The following AMHR2 variants were observed in gnomAD, a reference collection of about 807,000 sequenced individuals.
The protein encoded by AMHR2 is anti-Muellerian hormone type-2 receptor.
AMHR2 carries 36 observed loss-of-function variants against 61.4 expected under a neutral mutation model. The ratio of observed to expected loss-of-function variants is 0.59; its 90% confidence interval spans 0.45 to 0.77. The LOEUF is 0.77. Ranked by LOEUF, AMHR2 falls within the 30% of genes least tolerant of loss-of-function variation. The pLI, the probability that AMHR2 is intolerant of heterozygous loss-of-function variation, is 0.00. For synonymous variants in AMHR2, 258 were observed against 279.4 expected, an observed-to-expected ratio of 0.92 and a Z score of 0.76; for missense variants, 638 against 714.6, an observed-to-expected ratio of 0.89 and a Z score of 1.22.
rs2136977754 is a variant in AMHR2 at position 53,431,296 on chromosome 12, C to G, written c.1545C>G (p.His515Gln). Residue 515 changes from histidine (H) to glutamine (Q), a missense_variant, in exon 11 of 11, where the codon CAC becomes CAG. Transcript: ENST00000257863. The part of the protein sequence containing the change: ...LAALAHPQES[H>Q]PFPESCPRGC... ...CCTTGGCCCATCCTCAAGAGAGCCA[C>G]CCCTTTCCAGAGAGCTGTCCACGTG... 1.2e-6 allele frequency: 2 copies of G among 1,614,238 alleles called. No individual in the cohort carries two copies. The highest frequency in any genetic ancestry group is 1.1e-5 in the South Asian group (1 of 91,086).
chr12:53,431,397 G>A lies in AMHR2; in HGVS notation c.1646G>A (p.Ser549Asn). Residue 549 changes from serine (S) to asparagine (N), a missense_variant, in exon 11 of 11, where the codon AGT becomes AAT. By Grantham distance (46) the Ser-to-Asn change is conservative. Transcript: ENST00000257863. ...ATCCTCCCCTGTAGGCCTCAGCGGA[G>A]TGCCTGCCACTTCAGCGTTCAGCAA... ...PTILPCRPQR[S>N]ACHFSVQQGP... 1 of 1,614,232 alleles carries A rather than the reference G, an allele frequency of 6.2e-7. No individual in the cohort carries two copies. The highest frequency in any genetic ancestry group is 1.1e-5 in the South Asian group (1 of 91,086).
In AMHR2 at chr12:53,431,456, A is replaced by G. The variant is rs1940095634; in HGVS notation, c.1705A>G (p.Thr569Ala). 4 of 1,614,150 alleles carry G rather than the reference A, an allele frequency of 2.5e-6. No individual in the cohort carries two copies. The highest frequency in any genetic ancestry group is 3.4e-6 in the Non-Finnish European group (4 of 1,180,026). The change falls in exon 11 of 11, where the codon ACC becomes GCC. Residue 569 changes from threonine to alanine, a missense_variant. Thr to Ala is a moderately conservative substitution (Grantham distance 58, BLOSUM62 0). Transcript: ENST00000257863. ...TTCCAGGAATCCTCAGCCTGCCTGT[A>G]CCCTTTCTCCTGTGTAAATATGCAG... ...PCSRNPQPAC[T>A]LSPV
intron 10 of AMHR2, chr12:53,430,724 G>C (rs784888): frequency 0.051 from 17,735 of 348,406 alleles, 2,790 homozygotes; most frequent in African/African-American, 0.34. Context: ...ATAAAAGGCA[G>C]TTCTAGGTAT....
chr12:53,424,250 C>T, intron 1 of AMHR2, 38 bp from the exon 2 acceptor site: 1 of 1,611,748 alleles, frequency 6.2e-7, no homozygotes, highest in Non-Finnish European at 8.5e-7. Context: ...CATTCACTCC[C>T]ACCTTGAATC....
chr12:53,424,373 A>G lies in AMHR2; in HGVS notation c.135A>G (p.Thr45=). ...AGACACTGGGAGAGCTGCTAGATACAGGCACAGAGCTCCCCAGAGCTATCC... is the reference window on the plus strand; with the variant it reads ...AGACACTGGGAGAGCTGCTAGATACGGGCACAGAGCTCCCCAGAGCTATCC... ...STKTLGELLD[T]GTELPRAIRC... The change falls in exon 2 of 11, where the codon ACA becomes ACG. Residue 45 remains threonine (T), a synonymous_variant. Coordinates refer to ENST00000257863, the MANE Select transcript of AMHR2 (RefSeq NM_020547.3). 6.2e-7 allele frequency: 1 copy of G among 1,613,614 alleles called. No individual in the cohort carries two copies. The highest frequency in any genetic ancestry group is 8.5e-7 in the Non-Finnish European group (1 of 1,179,982).
chr12:53,430,394 T>A, intron 10 of AMHR2, 112 bp downstream of exon 10: 1 of 1,551,810 alleles, frequency 6.4e-7, no homozygotes, highest in Non-Finnish European at 8.8e-7. Flanking sequence ...TTATCTCCCA[T>A]CACTCCTTGG....
chr12:53,427,390 C>T (rs1308639913), intron 6 of AMHR2, among the ~76,000 whole-genome samples: 2 of 152,014 alleles, frequency 1.3e-5, no homozygotes, highest in Non-Finnish European at 2.9e-5. Flanking sequence ...TTACGCTACC[C>T]GCTTTTTATT....
Position 53,431,455 on chromosome 12 carries a change from T to C in AMHR2, c.1704T>C (p.Cys568=), listed in dbSNP as rs775655629. Residue 568 remains cysteine, a synonymous_variant, in exon 11 of 11, where the codon TGT becomes TGC. Transcript: ENST00000257863. ...GPCSRNPQPA[C]TLSPV ...GTTCCAGGAATCCTCAGCCTGCCTGTACCCTTTCTCCTGTGTAAATATGCA... is the reference window on the plus strand; with the variant it reads ...GTTCCAGGAATCCTCAGCCTGCCTGCACCCTTTCTCCTGTGTAAATATGCA... 1 of 1,614,244 alleles carries C rather than the reference T, an allele frequency of 6.2e-7. No homozygotes were observed. The highest frequency in any genetic ancestry group is 8.5e-7 in the Non-Finnish European group (1 of 1,180,042).
At position 53,425,924 on chromosome 12, in the gene AMHR2, G is replaced by A. The variant is rs1257687566; in HGVS notation, c.852+5G>A. 6.2e-7 allele frequency: 1 copy of A among 1,612,914 alleles called. No individual in the cohort carries two copies. Among genetic ancestry groups the A allele is most frequent in the Non-Finnish European group, 8.5e-7 (1 of 1,179,416 alleles). On this transcript the variant is annotated splice_donor_5th_base_variant and intron_variant, in intron 6 of 10. Transcript: ENST00000257863. ...GTACTGGAACTGCATCCCAAGGTGA[G>A]CACCAAGGAGTGTATATGTGTGTGT...
Position 53,424,737 on chromosome 12 carries a change from T to TGAGTCCCTCCACTGTGACCC in AMHR2, c.262_281dup (p.Arg97SerfsTer119), listed in dbSNP as rs753464279. On this transcript the variant is annotated frameshift_variant, in exon 3 of 11. Coordinates refer to ENST00000257863, the MANE Select transcript of AMHR2 (RefSeq NM_020547.3). LOFTEE classifies it high-confidence loss of function. ...GCCGAGACAGTGATGAGCCAGGCTG[T>TGAGTCCCTCCACTGTGACCC]GAGTCCCTCCACTGTGACCCAAGTC... 2.5e-6 allele frequency: 4 copies of TGAGTCCCTCCACTGTGACCC among 1,613,592 alleles called. No individual in the cohort carries two copies. Among genetic ancestry groups the TGAGTCCCTCCACTGTGACCC allele is most frequent in the Non-Finnish European group, 3.4e-6 (4 of 1,179,638 alleles).
At chr12:53,426,023 T>A in intron 6 of AMHR2, 104 bp downstream of exon 6, 1 of 1,183,400 alleles carries the variant, frequency 8.5e-7, no homozygotes, top group Non-Finnish European at 1.2e-6. Context: ...TGCTTTCGAT[T>A]TTCTCTTTTC....
Position 53,425,905 on chromosome 12 carries a change from G to A in AMHR2, c.838G>A (p.Glu280Lys), listed in dbSNP as rs776713395. Reference protein sequence around the residue: ...RLLSGPLLVLELHPKGSLCHY... With the variant: ...RLLSGPLLVLKLHPKGSLCHY... ...GCTCTCTGGGCCCCTGCTGGTACTG[G>A]AACTGCATCCCAAGGTGAGCACCAA... The change falls in exon 6 of 11, where the codon GAA (glutamate) becomes AAA (lysine). Residue 280 changes from glutamate (E) to lysine (K), a missense_variant. By Grantham distance (56) the Glu-to-Lys change is moderately conservative. Coordinates refer to ENST00000257863, the MANE Select transcript of AMHR2 (RefSeq NM_020547.3). 1.2e-6 allele frequency: 2 copies of A among 1,613,840 alleles called. No individual in the cohort carries two copies. Among genetic ancestry groups the A allele is most frequent in the African/African-American group, 2.7e-5 (2 of 74,890 alleles).
Position 53,428,165 on chromosome 12 carries a change from C to T in AMHR2, c.853-731C>T, listed in dbSNP as rs113679527. ...TTCTTGCTTTATGCCCCTTGGCACTCGGTTAATTTTCCTATCTTGGGGTTT... is the reference window on the plus strand; with the variant it reads ...TTCTTGCTTTATGCCCCTTGGCACTTGGTTAATTTTCCTATCTTGGGGTTT... On this transcript the variant is annotated intron_variant, in intron 6 of 10. Transcript: ENST00000257863. Among the ~76,000 whole-genome samples, 92 of 152,218 alleles carry T rather than the reference C, an allele frequency of 6.0e-4. 1 individual carries two copies. Among genetic ancestry groups the T allele is most frequent in the African/African-American group, 2.0e-3 (84 of 41,580 alleles).
At chr12:53,424,998 G>A (rs1939425522) in intron 3 of AMHR2, 98 bp downstream of exon 3, 2 of 1,553,814 alleles carry the variant, frequency 1.3e-6, no homozygotes, top group Non-Finnish European at 1.8e-6. Flanking sequence ...CCCGCCCCAC[G>A]CTTTCCTCCT....
intron 8 of AMHR2, 68 bp downstream of exon 8, chr12:53,429,693 G>A (rs1939942598): frequency 1.4e-5 from 23 of 1,602,820 alleles, no homozygotes; most frequent in Non-Finnish European, 2.0e-5. Flanking sequence ...TGCAGCCATT[G>A]TGTGTCAACA....
In AMHR2 at chr12:53,425,562, T is replaced by G. The variant is rs750685505; in HGVS notation, c.610T>G (p.Cys204Gly). 6.2e-7 allele frequency: 1 copy of G among 1,613,766 alleles called. No homozygotes were observed. The highest frequency in any genetic ancestry group is 8.5e-7 in the Non-Finnish European group (1 of 1,179,944). Residue 204 changes from cysteine (C) to glycine (G), a missense_variant, in exon 5 of 11, where the codon TGT (cysteine) becomes GGT (glycine). Transcript: ENST00000257863. Reference sequence around the variant, plus strand: ...GGAGCTGCAGGAGCTGCCTGAGCTGTGTTTCTCCCAGGTGCCCCAGGGAGG... The same window carrying G: ...GGAGCTGCAGGAGCTGCCTGAGCTGGGTTTCTCCCAGGTGCCCCAGGGAGG... ...SVELQELPEL[C>G]FSQVIREGGH...
intron 6 of AMHR2, among the ~76,000 whole-genome samples, chr12:53,426,788 T>C (rs1343542652): frequency 6.6e-6 from 1 of 151,930 alleles, no homozygotes; most frequent in African/African-American, 2.4e-5. Context: ...GTTCAAGCGA[T>C]TCTCCTCCCT....
intron 6 of AMHR2, 89 bp downstream of exon 6, chr12:53,426,008 G>C: frequency 7.7e-7 from 1 of 1,299,278 alleles, no homozygotes; most frequent in African/African-American, 1.5e-5. Context: ...CCTGTTGATT[G>C]CTTCTGCTTT....
In AMHR2 at chr12:53,429,995, C is replaced by T. The variant is rs1341196975; in HGVS notation, c.1288+17C>T. ...TGAGGCCTGGTAAGGATGGGTGGTA[C>T]AGTCCCCTCTCCTGGGCTCCCCCCC... is the stretch of plus-strand genomic sequence containing the variant. On this transcript the variant is annotated intron_variant, in intron 9 of 10. Coordinates refer to ENST00000257863, the MANE Select transcript of AMHR2 (RefSeq NM_020547.3). 8.7e-6 allele frequency: 14 copies of T among 1,614,072 alleles called. No homozygotes were observed. The South Asian group carries it at 1.2e-4, about 14-fold the overall frequency.
Sources: allele counts gnomAD v4.1 joint callset (sites outside exome capture counted in the v4.1 genomes callset), GRCh38; gene constraint gnomAD v4.1.1; transcripts MANE v1.5; gene names NCBI Gene and HGNC (gene_info 2026-07-23, HGNC 2026-07-21).